NUP58: variants seen among roughly 807,000 people sequenced by gnomAD.
NUP58 encodes nucleoporin p58/p45.
In NUP58, 17 loss-of-function variants were observed where a neutral mutation model predicts 70.1. That is an observed-to-expected ratio of 0.24 (90% CI 0.17 to 0.36). The LOEUF (loss-of-function observed/expected upper bound fraction) is 0.36. NUP58 is among the 10% of genes least tolerant of loss of function. The pLI, the probability that NUP58 is intolerant of heterozygous loss-of-function variation, is 1.00. For synonymous variants in NUP58, 275 were observed against 257.6 expected (o/e 1.07, Z -0.65); for missense variants, 644 against 701.5 (o/e 0.92, Z 0.93).
intron 3 of NUP58, among the ~76,000 whole-genome samples, chr13:25,310,622 C>T (rs2030619097): frequency 6.6e-6 from 1 of 150,588 alleles, no homozygotes; most frequent in Non-Finnish European, 1.5e-5. Flanking sequence ...TTTGGCCTCC[C>T]AAAGTGCTGG....
chr13:25,336,334 A>G (rs953663005), intron 13 of NUP58: 1 of 1,072,468 alleles, frequency 9.3e-7, no homozygotes, highest in African/African-American at 1.6e-5. Flanking sequence ...AATAAATTTA[A>G]TAAAATAAAA....
chr13:25,318,371 G>GCCCA (rs2031034390), intron 6 of NUP58, among the ~76,000 whole-genome samples: 1 of 152,034 alleles, frequency 6.6e-6, no homozygotes, highest in African/African-American at 2.4e-5. Flanking sequence ...TTGCCCTGTT[G>GCCCA]CCCAGGCTGG....
chr13:25,307,856 C>T lies in NUP58; in HGVS notation c.158C>T (p.Pro53Leu). The change falls in exon 2 of 16, where the codon CCA becomes CTA. Residue 53 changes from proline (P) to leucine (L), a missense_variant. Transcript: ENST00000381736. ...NFGNLGSTST[P>L]ATTSAPSSGF... ...GGAAATCTTGGAAGTACTTCAACTC[C>T]AGCAACTACATCTGCTCCTTCAAGT... is the stretch of plus-strand genomic sequence containing the variant. 1 of 1,614,144 alleles carries T rather than the reference C, an allele frequency of 6.2e-7. No individual in the cohort carries two copies. Among genetic ancestry groups the T allele is most frequent in the South Asian group, 1.1e-5 (1 of 91,086 alleles).
chr13:25,315,788 ATGT>A (rs1359824404), intron 6 of NUP58, among the ~76,000 whole-genome samples: 1 of 152,150 alleles, frequency 6.6e-6, no homozygotes, highest in Non-Finnish European at 1.5e-5. Context: ...TTATTTCCAG[ATGT>A]TTTACTTTGG....
intron 1 of NUP58, among the ~76,000 whole-genome samples, chr13:25,304,435 C>T (rs1031071697): frequency 1.5e-5 from 2 of 137,318 alleles, no homozygotes; most frequent in African/African-American, 5.6e-5. Context: ...TTTCAACTTT[C>T]ATTATGTAAT....
chr13:25,341,826 A>G lies in NUP58; in HGVS notation c.*1692A>G, dbSNP rs1391995070. The G allele has an allele frequency of 2.0e-5, 3 of 152,674 alleles. No homozygotes were observed. The highest frequency in any genetic ancestry group is 4.4e-5 in the Non-Finnish European group (3 of 68,050). The allele number at this position is 152,674 out of a possible 1,614,324, so 9.5% of individuals were successfully genotyped here. A position where few individuals can be genotyped will look rare whatever the true frequency, so the allele number is the denominator to read the frequency against. ...ATTTTTTATATAAAAGGTTTTGTAT[A>G]TAATGTGTGTCAGTGACTATTTTCA... On this transcript the variant is annotated 3_prime_UTR_variant, in exon 16 of 16. Coordinates refer to ENST00000381736, the MANE Select transcript of NUP58 (RefSeq NM_014089.4).
Position 25,320,956 on chromosome 13 carries a change from A to G in NUP58, c.814A>G (p.Ile272Val). The change falls in exon 9 of 16, where the codon ATT (isoleucine) becomes GTT (valine). Residue 272 changes from isoleucine (I) to valine (V), a missense_variant. Coordinates refer to ENST00000381736, the MANE Select transcript of NUP58 (RefSeq NM_014089.4). ...GGAGCAGAAACAAGTTCAAGAAGAA[A>G]TTAGTAGAATGTCTTCAAAAGCAAT... ...VKEQKQVQEE[I>V]SRMSSKAMLK... The G allele has an allele frequency of 6.4e-7, 1 of 1,574,272 alleles. No homozygotes were observed. Among genetic ancestry groups the G allele is most frequent in the Non-Finnish European group, 8.6e-7 (1 of 1,167,506 alleles).
rs2029994450 is a variant in NUP58, at chr13:25,301,649, G to A, written c.-125G>A. The A allele has an allele frequency of 5.5e-5, 27 of 489,502 alleles. No homozygotes were observed. In the South Asian group the frequency reaches 1.1e-3, roughly 20 times the overall value. The allele number at this position is 489,502 out of a possible 1,614,324, so 30.3% of individuals were successfully genotyped here. On this transcript the variant is annotated 5_prime_UTR_variant, in exon 1 of 16. Coordinates refer to ENST00000381736, the MANE Select transcript of NUP58 (RefSeq NM_014089.4). ...CAGCCTTGCCTTCGCCGCCGTTGGGGCTGGAAGTTCCCGCCAGGTCCGTGC... is the reference window on the plus strand; with the variant it reads ...CAGCCTTGCCTTCGCCGCCGTTGGGACTGGAAGTTCCCGCCAGGTCCGTGC...
intron 13 of NUP58, chr13:25,335,326 T>G (rs944747564): frequency 1.0e-4 from 101 of 985,292 alleles, no homozygotes; most frequent in Non-Finnish European, 1.2e-4. Context: ...TTTGAGTAAC[T>G]CTTACGACTT....
chr13:25,347,545 G>C (rs2032064660), intron 3 of NUP58, among the ~76,000 whole-genome samples: 1 of 152,228 alleles, frequency 6.6e-6, no homozygotes, highest in South Asian at 2.1e-4. Context: ...GCAACCACAA[G>C]TCTCAGTGCT....
At chr13:25,343,355 G>C (rs2032002160), downstream of NUP58, among the ~76,000 whole-genome samples, 3 of 151,054 alleles carry the variant, frequency 2.0e-5, no homozygotes, top group African/African-American at 7.3e-5. Context: ...TTAAGTTTTA[G>C]GGTACATGTG....
intron 3 of NUP58, chr13:25,310,122 A>G: frequency 9.0e-6 from 2 of 222,706 alleles, no homozygotes; most frequent in South Asian, 9.4e-5. Flanking sequence ...AGCTCACTGC[A>G]ACCTCAAACT....
chr13:25,316,150 C>T (rs1206506004), intron 6 of NUP58, among the ~76,000 whole-genome samples: 5 of 152,236 alleles, frequency 3.3e-5, no homozygotes, highest in African/African-American at 7.2e-5. Flanking sequence ...TTTGTGAAAT[C>T]GCTTTCCCAG....
chr13:25,304,120 T>TA (rs1421266021), intron 1 of NUP58, among the ~76,000 whole-genome samples: 1 of 152,138 alleles, frequency 6.6e-6, no homozygotes, highest in Non-Finnish European at 1.5e-5. Flanking sequence ...TTTAAATATT[T>TA]AGCATCAAGT....
At chr13:25,322,596 T>C (rs904031748) in intron 9 of NUP58, among the ~76,000 whole-genome samples, 19 of 152,228 alleles carry the variant, frequency 1.2e-4, no homozygotes, top group Non-Finnish European at 1.5e-5. Flanking sequence ...TAAAATTGTA[T>C]ACAGTTACTT....
chr13:25,321,926 A>G (rs1246854094), intron 9 of NUP58, among the ~76,000 whole-genome samples: 3 of 152,340 alleles, frequency 2.0e-5, no homozygotes, highest in South Asian at 2.1e-4. Context: ...TCAAAAAAAT[A>G]CAAATAAAAA....
intron 13 of NUP58, chr13:25,333,633 C>T (rs1377551208): frequency 1.0e-6 from 1 of 985,266 alleles, no homozygotes; most frequent in Admixed American, 6.2e-5. Context: ...CCTTCCCAGT[C>T]AAAATTTTCG....
chr13:25,344,075 TA>T (rs1287254605), downstream of NUP58, among the ~76,000 whole-genome samples: 1 of 152,138 alleles, frequency 6.6e-6, no homozygotes, highest in Non-Finnish European at 1.5e-5. Context: ...CAGTTAATTG[TA>T]ATCCTAATTA....
chr13:25,323,076 G>A (rs995973526), intron 9 of NUP58, among the ~76,000 whole-genome samples: 1 of 152,112 alleles, frequency 6.6e-6, no homozygotes, highest in Non-Finnish European at 1.5e-5. Context: ...GTCATATAAT[G>A]GGCACATTAA....
Sources: allele counts gnomAD v4.1 joint callset (sites outside exome capture counted in the v4.1 genomes callset), GRCh38; gene constraint gnomAD v4.1.1; transcripts MANE v1.5; gene names NCBI Gene and HGNC (gene_info 2026-07-23, HGNC 2026-07-21).